PCDHGA5: variants seen among roughly 807,000 people sequenced by gnomAD.
The protein encoded by PCDHGA5 is protocadherin gamma-A5.
Under a neutral mutation model 56.7 loss-of-function variants are expected in PCDHGA5, and 36 were observed. The observed-to-expected ratio is 0.64, with a 90% confidence interval of 0.49 to 0.84. PCDHGA5 has a LOEUF of 0.84. Ranked by LOEUF, PCDHGA5 falls within the 40% of genes least tolerant of loss-of-function variation. PCDHGA5 has a pLI of 0.00. For synonymous variants in PCDHGA5, 563 were observed against 520.2 expected (o/e 1.08, Z -1.12); for missense variants, 1,305 against 1,201.5 (o/e 1.09, Z -1.27).
rs61612330 is a variant in PCDHGA5 at position 141,454,796 on chromosome 5, ATTTTTTTT to A, written c.2422-39989_2422-39982del. Reference sequence around the variant, plus strand: ...AAGGAAATAATCCTCCATGGTTCTAATTTTTTTTTTTTTTTTTTTTTTTTTTTTTGAGA... The same window carrying A: ...AAGGAAATAATCCTCCATGGTTCTAATTTTTTTTTTTTTTTTTTTTTGAGA... On this transcript the variant is annotated intron_variant, in intron 1 of 3. Transcript: ENST00000518069. Among the ~76,000 whole-genome samples, 398 of 77,454 alleles carry A rather than the reference ATTTTTTTT, an allele frequency of 5.1e-3. 2 individuals are homozygous for A. The highest frequency in any genetic ancestry group is 0.021 in the African/African-American group (363 of 16,886). 50.8% of individuals were successfully genotyped at this position (77,454 alleles called of 152,430 possible).
At position 141,476,172 on chromosome 5, in the gene PCDHGA5, T is replaced by C; in HGVS notation, c.2422-18635T>C. 6.2e-7 allele frequency: 1 copy of C among 1,612,930 alleles called. No individual in the cohort carries two copies. The highest frequency in any genetic ancestry group is 1.1e-5 in the South Asian group (1 of 91,026). On this transcript the variant is annotated intron_variant, in intron 1 of 3. Coordinates refer to ENST00000518069, the MANE Select transcript of PCDHGA5 (RefSeq NM_018918.3). This position sits in a 1 kb window ranked among gnomAD's most constrained non-coding sequence, Gnocchi z 7.6. ...GTAAGCACCGGGAGGGTAGTGGGAG[T>C]TTTGCTTCTGCTTGGTGCCTTGAAC...
rs1160642304 is a variant in PCDHGA5 at position 141,415,415 on chromosome 5, T to C, written c.2421+48664T>C. 7 of 1,614,084 alleles carry C rather than the reference T, an allele frequency of 4.3e-6. No individual in the cohort carries two copies. In the Admixed American group the frequency reaches 8.3e-5, roughly 19 times the overall value. Reference sequence around the variant, plus strand: ...GTGTCCGGCTCGCACTTTGTGGGCGTGGACGGGGTTCGGGCTTTCCTGCAG... The same window carrying C: ...GTGTCCGGCTCGCACTTTGTGGGCGCGGACGGGGTTCGGGCTTTCCTGCAG... On this transcript the variant is annotated intron_variant, in intron 1 of 3. Coordinates refer to ENST00000518069, the MANE Select transcript of PCDHGA5 (RefSeq NM_018918.3).
chr5:141,366,945 A>G, intron 1 of PCDHGA5, 194 bp downstream of exon 1: 2 of 763,980 alleles, frequency 2.6e-6, no homozygotes, highest in East Asian at 5.7e-5. Flanking sequence ...TCTAGCTGAT[A>G]TCTGTAGACT....
intron 1 of PCDHGA5, chr5:141,400,135 G>A (rs773410293): frequency 6.2e-7 from 1 of 1,614,074 alleles, no homozygotes; most frequent in Non-Finnish European, 8.5e-7. Flanking sequence ...GGTGCTGCCG[G>A]ATATCACTGA....
At chr5:141,376,313 G>A in intron 1 of PCDHGA5, 1 of 1,614,230 alleles carries the variant, frequency 6.2e-7, no homozygotes, top group Non-Finnish European at 8.5e-7. Flanking sequence ...TGTGGGCGTG[G>A]AAGGGGTTCG....
chr5:141,409,351 G>T, intron 1 of PCDHGA5: 1 of 1,613,982 alleles, frequency 6.2e-7, no homozygotes, highest in South Asian at 1.1e-5. Flanking sequence ...GAGAAGTCAG[G>T]TGTAATATAG....
rs759270061 is a variant in PCDHGA5, at chr5:141,372,011, G to A, written c.2421+5260G>A. 4.3e-6 allele frequency: 7 copies of A among 1,613,294 alleles called. No homozygotes were observed. In the South Asian group the frequency reaches 6.6e-5, roughly 15 times the overall value. On this transcript the variant is annotated intron_variant, in intron 1 of 3. Transcript: ENST00000518069. Reference sequence around the variant, plus strand: ...CTCTGCAGGCCCGCGACCAGGGCTCGCCTACGCTCAGCGCCAACGTGAGCC... The same window carrying A: ...CTCTGCAGGCCCGCGACCAGGGCTCACCTACGCTCAGCGCCAACGTGAGCC...
chr5:141,417,641 C>G (rs1266850894), intron 1 of PCDHGA5: 12 of 779,426 alleles, frequency 1.5e-5, no homozygotes, highest in Non-Finnish European at 2.1e-5. Context: ...CCGGGGATCC[C>G]TCAGCCTCTA....
At chr5:141,442,473 C>T (rs1435437337) in intron 1 of PCDHGA5, 1 of 152,240 alleles carries the variant, frequency 6.6e-6, no homozygotes, top group Non-Finnish European at 1.5e-5. Flanking sequence ...CAGAAAGCCC[C>T]TTGGGGAAGG....
intron 1 of PCDHGA5, among the ~76,000 whole-genome samples, chr5:141,401,278 G>T (rs1355696847): frequency 6.6e-6 from 1 of 152,160 alleles, no homozygotes; most frequent in Non-Finnish European, 1.5e-5. Context: ...GCAGGTGGAG[G>T]TTGCGGTGAG....
intron 1 of PCDHGA5, chr5:141,389,817 C>G: frequency 1.2e-6 from 2 of 1,613,870 alleles, no homozygotes; most frequent in Non-Finnish European, 1.7e-6. Context: ...GGTCGCCGTG[C>G]GTGACGGTGG....
At chr5:141,398,284 G>A (rs1462851627) in intron 1 of PCDHGA5, 1 of 1,400,106 alleles carries the variant, frequency 7.1e-7, no homozygotes, top group Non-Finnish European at 9.8e-7. Flanking sequence ...CCTCGCCACG[G>A]ACCTGGGGTT....
rs751805838 is a variant in PCDHGA5, at chr5:141,409,319, G to T, written c.2421+42568G>T. 3 of 1,613,988 alleles carry T rather than the reference G, an allele frequency of 1.9e-6. No homozygotes were observed. The Admixed American group carries it at 5.0e-5, about 27-fold the overall frequency. ...GGTTGTTGCCCTCTTCAAAACACGG[G>T]ATCTGGATTTCGGAGGAAATGGAGA... is the stretch of plus-strand genomic sequence containing the variant. On this transcript the variant is annotated intron_variant, in intron 1 of 3. Coordinates refer to ENST00000518069, the MANE Select transcript of PCDHGA5 (RefSeq NM_018918.3).
chr5:141,482,530 C>CAAAAAAAAAAA (rs3074545), intron 1 of PCDHGA5, among the ~76,000 whole-genome samples: 21 of 76,546 alleles, frequency 2.7e-4, no homozygotes, highest in African/African-American at 4.8e-4. Context: ...GACAGACATG[C>CAAAAAAAAAAA]AAAAAAAAAA....
intron 1 of PCDHGA5, chr5:141,414,562 A>G (rs770740530): frequency 3.1e-6 from 5 of 1,613,924 alleles, no homozygotes; most frequent in Non-Finnish European, 4.2e-6. Context: ...CTCCTACTTT[A>G]CCTATATCCC....
At chr5:141,504,666 G>T (rs2099839952) in intron 2 of PCDHGA5, among the ~76,000 whole-genome samples, 1 of 107,242 alleles carries the variant, frequency 9.3e-6, no homozygotes, top group South Asian at 3.6e-4. Context: ...AGGGCGGGGG[G>T]TGGGGGTTCT....
In PCDHGA5 at chr5:141,371,429, G is replaced by A. The variant is rs766625096; in HGVS notation, c.2421+4678G>A. 6.2e-6 allele frequency: 10 copies of A among 1,613,916 alleles called. No homozygotes were observed. In the East Asian group the frequency reaches 1.6e-4, roughly 25 times the overall value. On this transcript the variant is annotated intron_variant, in intron 1 of 3. Transcript: ENST00000518069. ...TTTCAGATGAAAATGACAATGCCCC[G>A]GAGATAACCCTGGCTTCTGAATCCC...
intron 1 of PCDHGA5, among the ~76,000 whole-genome samples, chr5:141,471,071 C>T (rs1208702673): frequency 7.7e-6 from 1 of 129,696 alleles, no homozygotes; most frequent in Non-Finnish European, 1.6e-5. Context: ...TTTTTTGAGA[C>T]AGGGTCTCCC....
chr5:141,378,581 G>A (rs17524659), intron 1 of PCDHGA5: 5,512 of 152,208 alleles, frequency 0.036, 128 homozygotes, highest in South Asian at 0.08. Flanking sequence ...AAACATGCTC[G>A]GTAGTGTCTG....
Sources: gnomAD v4.1 joint callset for allele counts (sites outside exome capture counted in the v4.1 genomes callset) on GRCh38, gnomAD v4.1.1 for gene constraint, Gnocchi (gnomAD v3.1) non-coding constraint, MANE v1.5 for transcripts, NCBI Gene and HGNC (gene_info 2026-07-23, HGNC 2026-07-21) for gene names.